MACROD2: variants seen among roughly 807,000 people sequenced by gnomAD.
MACROD2 encodes ADP-ribose glycohydrolase MACROD2.
A neutral mutation model predicts 70.4 loss-of-function variants in MACROD2; 36 were observed. That is an observed-to-expected ratio of 0.51 (90% CI 0.39 to 0.68). MACROD2 has a LOEUF of 0.68. MACROD2 is among the 30% of genes least tolerant of loss of function. MACROD2 has a pLI of 0.00. For synonymous variants in MACROD2, 172 were observed against 178.8 expected, an observed-to-expected ratio of 0.96 and a Z score of 0.30; for missense variants, 496 against 538.4, an observed-to-expected ratio of 0.92 and a Z score of 0.78.
intron 5 of MACROD2, among the ~76,000 whole-genome samples, chr20:14,907,841 G>T (rs879156328): frequency 2.6e-5 from 4 of 152,002 alleles, no homozygotes; most frequent in African/African-American, 9.7e-5. Flanking sequence ...TCTGTTTTTG[G>T]TTTTGCCTTG....
rs1344450428 is a variant in MACROD2 at position 15,021,213 on chromosome 20, CACATACA to C, written c.419-208726_419-208720del. On this transcript the variant is annotated intron_variant, in intron 5 of 17. Transcript: ENST00000684519. ...ATACACACACCTGTGTGTATGTATA[CACATACA>C]GGTGTGCGTATACACACACCTGTGT... 5.0e-4 allele frequency among the ~76,000 whole-genome samples: 47 copies of C among 94,656 alleles called. 3 individuals are homozygous for C. Among genetic ancestry groups the C allele is most frequent in the African/African-American group, 7.6e-4 (17 of 22,296 alleles). The allele number at this position is 94,656 out of a possible 152,430, so 62.1% of individuals were successfully genotyped here. A position where few individuals can be genotyped will look rare whatever the true frequency, so the allele number is the denominator to read the frequency against.
intron 3 of MACROD2, among the ~76,000 whole-genome samples, chr20:14,151,811 C>CTTTTTTTTTT (rs144065987): frequency 1.7e-5 from 1 of 59,216 alleles, no homozygotes; most frequent in Non-Finnish European, 3.0e-5. Context: ...TGTATTGTAT[C>CTTTTTTTTTT]TTTTTTTTTT....
chr20:15,859,909 G>A (rs967276568), intron 8 of MACROD2, among the ~76,000 whole-genome samples: 2 of 152,106 alleles, frequency 1.3e-5, no homozygotes, highest in Admixed American at 6.6e-5. Context: ...GCTGAGGCAG[G>A]CAGATCACGA....
At chr20:14,514,372 G>A (rs1198596493) in intron 4 of MACROD2, among the ~76,000 whole-genome samples, 1 of 152,086 alleles carries the variant, frequency 6.6e-6, no homozygotes, top group Non-Finnish European at 1.5e-5. Flanking sequence ...TTTCTAGCCT[G>A]TTAGGAAGCA....
At chr20:15,342,206 C>T (rs2078117576) in intron 6 of MACROD2, among the ~76,000 whole-genome samples, 1 of 152,066 alleles carries the variant, frequency 6.6e-6, no homozygotes, top group African/African-American at 2.4e-5. Flanking sequence ...TGTTGGTGAA[C>T]ATACACCCTT....
At chr20:14,262,647 A>G (rs1322645579) in intron 3 of MACROD2, among the ~76,000 whole-genome samples, 1 of 152,196 alleles carries the variant, frequency 6.6e-6, no homozygotes, top group Admixed American at 6.5e-5. Context: ...GGTAGGTGAA[A>G]GAACATGAAA....
intron 4 of MACROD2, among the ~76,000 whole-genome samples, chr20:14,546,029 TTTTTA>T (rs2085488046): frequency 6.6e-6 from 1 of 152,174 alleles, no homozygotes; most frequent in South Asian, 2.1e-4. Context: ...TGCACTGTAT[TTTTTA>T]TTTTGATGAA....
At chr20:14,896,925 T>TA (rs1429075523) in intron 5 of MACROD2, among the ~76,000 whole-genome samples, 8 of 152,074 alleles carry the variant, frequency 5.3e-5, no homozygotes, top group Admixed American at 2.0e-4. Flanking sequence ...CTTATTATCT[T>TA]AAAAAAATAA....
At chr20:15,548,112 A>T (rs2048048679) in intron 8 of MACROD2, among the ~76,000 whole-genome samples, 5 of 151,984 alleles carry the variant, frequency 3.3e-5, no homozygotes, top group Admixed American at 3.3e-4. Context: ...TCCATCCACC[A>T]TCCATCTGTC....
rs553638955 is a variant in MACROD2 at position 14,384,697 on chromosome 20, T to C, written c.272-108782T>C. 2.6e-5 allele frequency among the ~76,000 whole-genome samples: 4 copies of C among 152,296 alleles called. No homozygotes were observed. The East Asian group carries it at 7.7e-4, about 29-fold the overall frequency. On this transcript the variant is annotated intron_variant, in intron 3 of 17. Coordinates refer to ENST00000684519, the MANE Select transcript of MACROD2 (RefSeq NM_001351661.2). ...CTGAAAGATTTTTAAATCATGAAGC[T>C]ACAAGCCCAATATATAATGTTTATT...
At chr20:14,625,017 G>A (rs1984055779) in intron 4 of MACROD2, among the ~76,000 whole-genome samples, 1 of 152,040 alleles carries the variant, frequency 6.6e-6, no homozygotes, top group South Asian at 2.1e-4. Context: ...TTGGCCGGCT[G>A]GTGAGGGACC....
At chr20:14,560,573 T>G (rs1244111193) in intron 4 of MACROD2, among the ~76,000 whole-genome samples, 1 of 151,890 alleles carries the variant, frequency 6.6e-6, no homozygotes, top group East Asian at 1.9e-4. Flanking sequence ...TTACTCAGCT[T>G]TATTATTTTA....
At chr20:15,614,458 C>A (rs1600669102) in intron 8 of MACROD2, among the ~76,000 whole-genome samples, 1 of 152,136 alleles carries the variant, frequency 6.6e-6, no homozygotes, top group Non-Finnish European at 1.5e-5. Context: ...TAAAGGGAAG[C>A]ATGCCAGCTC....
intron 5 of MACROD2, among the ~76,000 whole-genome samples, chr20:15,066,459 A>T (rs2075576130): frequency 6.6e-6 from 1 of 152,076 alleles, no homozygotes; most frequent in Non-Finnish European, 1.5e-5. Context: ...TTAAGACCTA[A>T]GCTCAGAATA....
At chr20:15,133,905 CTTT>C (rs11467185) in intron 5 of MACROD2, among the ~76,000 whole-genome samples, 6 of 111,292 alleles carry the variant, frequency 5.4e-5, no homozygotes, top group African/African-American at 1.8e-4. Flanking sequence ...TTTAAATAAT[CTTT>C]TTTTTTTTTT....
chr20:16,000,063 T>C (rs1447276331), intron 15 of MACROD2, among the ~76,000 whole-genome samples: 3 of 152,240 alleles, frequency 2.0e-5, no homozygotes, highest in Non-Finnish European at 2.9e-5. Context: ...CAGCCTTTGG[T>C]ATTGAATTCA....
intron 5 of MACROD2, among the ~76,000 whole-genome samples, chr20:14,923,670 C>T (rs2074191178): frequency 6.6e-6 from 1 of 151,862 alleles, no homozygotes; most frequent in African/African-American, 2.4e-5. Flanking sequence ...CTTTTCCTTG[C>T]ATACTTACTC....
chr20:15,410,954 G>A (rs575828164), intron 6 of MACROD2, among the ~76,000 whole-genome samples: 7 of 152,226 alleles, frequency 4.6e-5, no homozygotes, highest in East Asian at 1.9e-4. Flanking sequence ...CAATGGTGCC[G>A]TACAATCTTT....
intron 8 of MACROD2, among the ~76,000 whole-genome samples, chr20:15,607,929 A>G (rs2048916360): frequency 3.3e-5 from 5 of 152,262 alleles, no homozygotes; most frequent in Admixed American, 1.3e-4. Context: ...ATCAATATCC[A>G]GAGATGGAAT....
Sources: allele counts gnomAD v4.1 joint callset (sites outside exome capture counted in the v4.1 genomes callset), GRCh38; gene constraint gnomAD v4.1.1; transcripts MANE v1.5; gene names NCBI Gene and HGNC (gene_info 2026-07-23, HGNC 2026-07-21).